The following PPIL4 variants were observed in gnomAD, a reference collection of about 807,000 sequenced individuals.
PPIL4 encodes peptidyl-prolyl cis-trans isomerase-like 4.
A neutral mutation model predicts 69.1 loss-of-function variants in PPIL4; 50 were observed. The ratio of observed to expected loss-of-function variants is 0.72; its 90% confidence interval spans 0.58 to 0.92. The LOEUF (loss-of-function observed/expected upper bound fraction) is 0.92, where lower values mean the gene tolerates loss of function less well. PPIL4 is among the 40% of genes least tolerant of loss of function. The pLI, the probability that PPIL4 is intolerant of heterozygous loss-of-function variation, is 0.00. For synonymous variants in PPIL4, 193 were observed against 191.6 expected, an observed-to-expected ratio of 1.01 and a Z score of -0.06; for missense variants, 480 against 587.9, an observed-to-expected ratio of 0.82 and a Z score of 1.90.
chr6:149,539,852 G>A (rs764370182), intron 4 of PPIL4, among the ~76,000 whole-genome samples: 3 of 152,062 alleles, frequency 2.0e-5, no homozygotes, highest in East Asian at 1.9e-4. Flanking sequence ...TTTTTTGGTC[G>A]GCCACGGTGG....
rs760656623 is a variant in PPIL4, at chr6:149,512,227, G to A, written c.1155C>T (p.His385=). ...KSSHSHTSKK[H]KKKTHHCSEE... ...CAGAACAGTGATGGGTTTTCTTCTTGTGTTTTTTACTTGTGTGTGAGTGAC... is the reference window on the plus strand; with the variant it reads ...CAGAACAGTGATGGGTTTTCTTCTTATGTTTTTTACTTGTGTGTGAGTGAC... The change falls in exon 12 of 13, where the codon CAC becomes CAT. Residue 385 remains histidine (H), a synonymous_variant. Transcript: ENST00000253329. 7.4e-6 allele frequency: 12 copies of A among 1,613,012 alleles called. No homozygotes were observed. Among genetic ancestry groups the A allele is most frequent in the Non-Finnish European group, 1.0e-5 (12 of 1,179,248 alleles).
intron 12 of PPIL4, among the ~76,000 whole-genome samples, chr6:149,509,501 A>G (rs1285698403): frequency 6.6e-6 from 1 of 152,248 alleles, no homozygotes; most frequent in Non-Finnish European, 1.5e-5. Flanking sequence ...CAGAGTTTTT[A>G]GTGGAAAACA....
chr6:149,528,695 T>G (rs186564672), intron 7 of PPIL4, among the ~76,000 whole-genome samples: 1 of 152,214 alleles, frequency 6.6e-6, no homozygotes, highest in Non-Finnish European at 1.5e-5. Flanking sequence ...AAAGCCACTT[T>G]AGAAGACAGT....
chr6:149,512,080 T>G, intron 12 of PPIL4, 75 bp downstream of exon 12: 1 of 1,255,160 alleles, frequency 8.0e-7, no homozygotes, highest in Non-Finnish European at 1.1e-6. Context: ...CCTCCTAAAT[T>G]ATATCACTAA....
chr6:149,543,810 G>T (rs945156196), intron 1 of PPIL4, among the ~76,000 whole-genome samples: 1 of 152,070 alleles, frequency 6.6e-6, no homozygotes, highest in African/African-American at 2.4e-5. Context: ...GATTGGCTAT[G>T]TGTTCACAGC....
intron 7 of PPIL4, among the ~76,000 whole-genome samples, chr6:149,530,212 TG>T (rs1156992887): frequency 6.6e-6 from 1 of 152,166 alleles, no homozygotes; most frequent in South Asian, 2.1e-4. Flanking sequence ...AATGCAAGAC[TG>T]GGGGAAAGAG....
At chr6:149,506,286 C>T (rs1776769584) in intron 12 of PPIL4, among the ~76,000 whole-genome samples, 1 of 152,122 alleles carries the variant, frequency 6.6e-6, no homozygotes, top group Non-Finnish European at 1.5e-5. Context: ...CAAGACCAGC[C>T]TGACCAACAT....
intron 10 of PPIL4, among the ~76,000 whole-genome samples, chr6:149,520,805 G>C (rs1777018806): frequency 6.6e-6 from 1 of 152,146 alleles, no homozygotes; most frequent in African/African-American, 2.4e-5. Flanking sequence ...CTGAGGTCAG[G>C]AGTTCGAGAC....
chr6:149,545,827 C>T, intron 1 of PPIL4, 109 bp downstream of exon 1: 1 of 1,053,852 alleles, frequency 9.5e-7, no homozygotes. Context: ...CACCAGCAGC[C>T]CAGAAGCTCG....
At chr6:149,521,933 G>C (rs1777036513) in intron 9 of PPIL4, among the ~76,000 whole-genome samples, 1 of 152,128 alleles carries the variant, frequency 6.6e-6, no homozygotes, top group South Asian at 2.1e-4. Context: ...ACTCAGTACT[G>C]ACCAATTTTC....
intron 12 of PPIL4, among the ~76,000 whole-genome samples, chr6:149,507,594 A>C (rs1029517729): frequency 2.6e-5 from 4 of 152,212 alleles, no homozygotes; most frequent in Non-Finnish European, 4.4e-5. Context: ...CTGATGTATA[A>C]ATTTATAAAA....
At chr6:149,520,629 T>C (rs1211359943) in intron 10 of PPIL4, among the ~76,000 whole-genome samples, 5 of 151,924 alleles carry the variant, frequency 3.3e-5, no homozygotes, top group African/African-American at 1.2e-4. Context: ...GATAGCAGGT[T>C]TGTAAAATTA....
At chr6:149,533,401 T>A in intron 7 of PPIL4, 57 bp downstream of exon 7, 1 of 921,138 alleles carries the variant, frequency 1.1e-6, no homozygotes, top group Admixed American at 2.0e-5. Context: ...AAATAAACAC[T>A]CAGTAAGTAT....
At chr6:149,508,443 C>G (rs551059660) in intron 12 of PPIL4, among the ~76,000 whole-genome samples, 2 of 151,738 alleles carry the variant, frequency 1.3e-5, no homozygotes, top group South Asian at 4.2e-4. Flanking sequence ...AAAGAAAAAA[C>G]GAAGAACACA....
intron 7 of PPIL4, among the ~76,000 whole-genome samples, chr6:149,530,119 GC>G (rs991640770): frequency 9.9e-5 from 15 of 152,092 alleles, no homozygotes; most frequent in Admixed American, 8.5e-4. Context: ...ACAACACAAA[GC>G]TTGAATTCTA....
At chr6:149,545,759 T>C (rs1777430705) in intron 1 of PPIL4, among the ~76,000 whole-genome samples, 177 bp downstream of exon 1, 1 of 152,130 alleles carries the variant, frequency 6.6e-6, no homozygotes, top group Non-Finnish European at 1.5e-5. Flanking sequence ...CTCAAACGAA[T>C]TCCCGTCACA....
In PPIL4 at chr6:149,531,319, C is replaced by T. The variant is rs184174348; in HGVS notation, c.678+2139G>A. Among the ~76,000 whole-genome samples, 3 of 146,190 alleles carry T rather than the reference C, an allele frequency of 2.1e-5. No individual in the cohort carries two copies. The South Asian group carries it at 6.5e-4, about 31-fold the overall frequency. On this transcript the variant is annotated intron_variant, in intron 7 of 12. Transcript: ENST00000253329. ...GGCAGAGGTTGCAGTGAGCCAAGAT[C>T]GTGCCATTGCACTCCAGCCTGATAA... is the stretch of plus-strand genomic sequence containing the variant.
intron 12 of PPIL4, among the ~76,000 whole-genome samples, chr6:149,506,489 T>C (rs1776773668): frequency 6.6e-6 from 1 of 152,162 alleles, no homozygotes; most frequent in Non-Finnish European, 1.5e-5. Context: ...AGAAAATGGA[T>C]AATGTATACT....
At chr6:149,538,838 G>T (rs185789651) in intron 4 of PPIL4, among the ~76,000 whole-genome samples, 1 of 152,078 alleles carries the variant, frequency 6.6e-6, no homozygotes. Context: ...AGCAAACAAA[G>T]TGGTTTTCTT....
Sources: allele counts gnomAD v4.1 joint callset (sites outside exome capture counted in the v4.1 genomes callset), GRCh38; gene constraint gnomAD v4.1.1; transcripts MANE v1.5; gene names NCBI Gene and HGNC (gene_info 2026-07-23, HGNC 2026-07-21).